Variants in CWC25 observed in about 807,000 individuals in gnomAD.
The protein encoded by CWC25 is CWC25 spliceosome associated protein, also known as pre-mRNA-splicing factor CWC25 homolog.
Under a neutral mutation model 54.6 loss-of-function variants are expected in CWC25, and 31 were observed. That is an observed-to-expected ratio of 0.57 (90% confidence interval 0.43 to 0.77). The LOEUF (loss-of-function observed/expected upper bound fraction) is 0.77. CWC25 is among the 30% of genes least tolerant of loss of function. The pLI, the probability that CWC25 is intolerant of heterozygous loss-of-function variation, is 0.00. For missense variants in CWC25, 453 were observed against 529.3 expected, an observed-to-expected ratio of 0.86 and a Z score of 1.41; for synonymous variants, 151 against 187.0, an observed-to-expected ratio of 0.81 and a Z score of 1.57.
intron 2 of CWC25, among the ~76,000 whole-genome samples, chr17:38,817,919 T>C (rs1911766936): frequency 6.6e-6 from 1 of 151,372 alleles, no homozygotes; most frequent in Non-Finnish European, 1.5e-5. Context: ...TGAGCGGAGA[T>C]TGTGCCACTG....
Position 38,802,141 on chromosome 17 carries a change from G to A in CWC25, c.1229C>T (p.Ser410Phe), listed in dbSNP as rs1911052608. ...CAGAGCTACCGAAGTTCTCTGTAAA[G>A]AGTAGATATTCCGCTTCACCCGATC... ...LEDRVKRNIY[S>F]LQRTSVALEK... Residue 410 changes from serine (S) to phenylalanine (F), a missense_variant, in exon 10 of 10, where the codon TCT becomes TTT. Ser to Phe is a radical substitution (Grantham distance 155). This residue lies in a region of CWC25 where 444 missense variants were observed against 499.2 expected (regional missense o/e 0.89). Coordinates refer to ENST00000614790, the MANE Select transcript of CWC25 (RefSeq NM_017748.5). 19 of 1,613,916 alleles carry A rather than the reference G, an allele frequency of 1.2e-5. 1 individual carries two copies. In the East Asian group the frequency reaches 4.2e-4, roughly 36 times the overall value.
chr17:38,802,000 G>A lies in CWC25; in HGVS notation c.*92C>T. ...TGAACACTGGTGGTTTGACATCTGT[G>A]AAAGAAGTCATTTGAACTCTTATAA... On this transcript the variant is annotated 3_prime_UTR_variant, in exon 10 of 10. Transcript: ENST00000614790. The A allele has an allele frequency of 1.4e-6, 1 of 735,658 alleles. No homozygotes were observed. Among genetic ancestry groups the A allele is most frequent in the South Asian group, 1.9e-5 (1 of 51,958 alleles). The allele number at this position is 735,658 out of a possible 1,614,324, so 45.6% of individuals were successfully genotyped here. A position where few individuals can be genotyped will look rare whatever the true frequency, so the allele number is the denominator to read the frequency against.
In CWC25 at chr17:38,816,966, G is replaced by A. The variant is rs150776602; in HGVS notation, c.192-1869C>T. Among the ~76,000 whole-genome samples, 7 of 150,618 alleles carry A rather than the reference G, an allele frequency of 4.6e-5. No homozygotes were observed. In the East Asian group the frequency reaches 1.4e-3, roughly 30 times the overall value. On this transcript the variant is annotated intron_variant, in intron 2 of 9. Transcript: ENST00000614790. The stretch of plus-strand genomic sequence containing the variant: ...CAAAGTGCTGGGATTACAGGCGTGA[G>A]CAACCGTGCCTGGCCCCAAGACCCT...
chr17:38,804,649 T>C (rs1180298740), intron 8 of CWC25, among the ~76,000 whole-genome samples: 2 of 141,630 alleles, frequency 1.4e-5, no homozygotes, highest in African/African-American at 5.3e-5. Context: ...TCTACTAAAA[T>C]ATACAAAAAT....
rs1020746737 is a variant in CWC25, at chr17:38,806,563, G to A, written c.903-168C>T. On this transcript the variant is annotated intron_variant, in intron 7 of 9. Transcript: ENST00000614790. ...TTAGACTCACCCCAGAGCTCCCAAA[G>A]CACAGAATACACCTACAGATATGTG... The A allele has an allele frequency of 1.9e-5, 14 of 743,012 alleles. No homozygotes were observed. The African/African-American group carries it at 2.5e-4, about 13-fold the overall frequency. The allele number at this position is 743,012 out of a possible 1,614,324, so 46.0% of individuals were successfully genotyped here.
intron 5 of CWC25, 90 bp downstream of exon 5, chr17:38,810,378 C>T (rs772317980): frequency 2.8e-5 from 39 of 1,372,044 alleles, no homozygotes; most frequent in Middle Eastern, 1.9e-4. Flanking sequence ...TGGCAGCTTC[C>T]AGCACAGGGC....
intron 2 of CWC25, among the ~76,000 whole-genome samples, chr17:38,819,353 C>T (rs568956193): frequency 4.5e-4 from 67 of 148,710 alleles, no homozygotes; most frequent in South Asian, 2.7e-3. Context: ...GCATGTGCCA[C>T]CATGCCTGGC....
Position 38,809,903 on chromosome 17 carries a change from C to G in CWC25, c.627-138G>C, listed in dbSNP as rs145000099. The G allele has an allele frequency of 2.1e-4, 153 of 722,816 alleles. No homozygotes were observed. The African/African-American group carries it at 2.5e-3, about 12-fold the overall frequency. The allele number at this position is 722,816 out of a possible 1,614,324, so 44.8% of individuals were successfully genotyped here. On this transcript the variant is annotated intron_variant, in intron 5 of 9. Transcript: ENST00000614790. ...AGCAGTTACCTGGCAGTACGTTTCT[C>G]TATTTGGACTGTCTATGCCGAAAAA...
intron 9 of CWC25, 134 bp from the exon 10 acceptor site, chr17:38,802,340 T>A (rs757094206): frequency 1.6e-6 from 1 of 625,100 alleles, no homozygotes; most frequent in Non-Finnish European, 2.8e-6. Context: ...CTCCCATAGA[T>A]AACTTTCGAG....
intron 6 of CWC25, among the ~76,000 whole-genome samples, chr17:38,807,592 C>T (rs1180698434): frequency 7.2e-6 from 1 of 138,526 alleles, no homozygotes; most frequent in Non-Finnish European, 1.6e-5. Context: ...CTTGTCTCTA[C>T]AAAATATTTA....
At position 38,802,843 on chromosome 17, in the gene CWC25, T is replaced by C; in HGVS notation, c.1020A>G (p.Glu340=). The C allele has an allele frequency of 6.2e-7, 1 of 1,613,988 alleles. No homozygotes were observed. The highest frequency in any genetic ancestry group is 8.5e-7 in the Non-Finnish European group (1 of 1,179,892). Residue 340 remains glutamate, a synonymous_variant, in exon 9 of 10, where the codon GAA becomes GAG. Transcript: ENST00000614790. The part of the protein sequence containing the change: ...PGYTRKLSAE[E]LERKRQEMME... Reference sequence around the variant, plus strand: ...TCATCTCTTGCCGTTTTCGCTCTAATTCCTCTGCAGAGAGTTTTCTGTTGA... The same window carrying C: ...TCATCTCTTGCCGTTTTCGCTCTAACTCCTCTGCAGAGAGTTTTCTGTTGA...
At chr17:38,802,269 A>G in intron 9 of CWC25, 63 bp from the exon 10 acceptor site, 1 of 1,123,688 alleles carries the variant, frequency 8.9e-7, no homozygotes, top group Non-Finnish European at 1.3e-6. Flanking sequence ...CTATTCTGGC[A>G]GCTTCAGAAG....
chr17:38,809,727 G>C lies in CWC25; in HGVS notation c.665C>G (p.Ser222Cys). 6.2e-7 allele frequency: 1 copy of C among 1,613,812 alleles called. No homozygotes were observed. Among genetic ancestry groups the C allele is most frequent in the Non-Finnish European group, 8.5e-7 (1 of 1,179,826 alleles). Residue 222 changes from serine to cysteine, a missense_variant, in exon 6 of 10, where the codon TCC becomes TGC. Transcript: ENST00000614790. Reference sequence around the variant, plus strand: ...CTGTAAGCCATATCCAGGGACTTTGGACAAAACAGGGGAGGAATTTGCCAT... The same window carrying C: ...CTGTAAGCCATATCCAGGGACTTTGCACAAAACAGGGGAGGAATTTGCCAT... ...KKMANSSPVL[S>C]KVPGYGLQVR...
chr17:38,817,505 T>C (rs1439974978), intron 2 of CWC25, among the ~76,000 whole-genome samples: 2 of 151,424 alleles, frequency 1.3e-5, no homozygotes, highest in Non-Finnish European at 2.9e-5. Flanking sequence ...ACAAAAAAAT[T>C]AGGCCAGGCA....
At chr17:38,812,003 A>G (rs1169153414) in intron 4 of CWC25, among the ~76,000 whole-genome samples, 2 of 151,802 alleles carry the variant, frequency 1.3e-5, no homozygotes, top group African/African-American at 4.8e-5. Context: ...CAATGGCGCA[A>G]TCTTGGCTCA....
chr17:38,817,838 C>T (rs149222592), intron 2 of CWC25, among the ~76,000 whole-genome samples: 3,198 of 151,560 alleles, frequency 0.021, 41 homozygotes, highest in South Asian at 0.053. Flanking sequence ...TGGTGGCACA[C>T]GCCTGTAATC....
Position 38,804,556 on chromosome 17 carries a change from G to A in CWC25, c.1002-1695C>T, listed in dbSNP as rs142197410. ...GTGCTGTGGCTCATGCCTGTAATCC[G>A]AACACTTTGGGAGGCTGAGGCGGGC... On this transcript the variant is annotated intron_variant, in intron 8 of 9. Coordinates refer to ENST00000614790, the MANE Select transcript of CWC25 (RefSeq NM_017748.5). Among the ~76,000 whole-genome samples, 1,447 of 151,750 alleles carry A rather than the reference G, an allele frequency of 9.5e-3. 31 individuals carry two copies. Among genetic ancestry groups the A allele is most frequent in the African/African-American group, 0.033 (1,383 of 41,366 alleles).
Position 38,805,764 on chromosome 17 carries a change from G to A in CWC25, c.1001+533C>T, listed in dbSNP as rs369107030. 7.2e-5 allele frequency among the ~76,000 whole-genome samples: 11 copies of A among 151,918 alleles called. No individual in the cohort carries two copies. The East Asian group carries it at 1.4e-3, about 19-fold the overall frequency. ...CCTCCCTGCCTTAGCCTCCCAAAGC[G>A]CTGAGATTACAAGCATGGACTGCTG... is the stretch of plus-strand genomic sequence containing the variant. On this transcript the variant is annotated intron_variant, in intron 8 of 9. Coordinates refer to ENST00000614790, the MANE Select transcript of CWC25 (RefSeq NM_017748.5).
intron 2 of CWC25, among the ~76,000 whole-genome samples, chr17:38,816,803 G>A (rs966956399): frequency 6.6e-6 from 1 of 151,768 alleles, no homozygotes; most frequent in Non-Finnish European, 1.5e-5. Context: ...TCCTGCCTCA[G>A]CCTCCCGAAT....
Sources: gnomAD v4.1 joint callset for allele counts (sites outside exome capture counted in the v4.1 genomes callset) on GRCh38, gnomAD v4.1.1 for gene constraint, gnomAD v4.1.1 regional missense constraint, MANE v1.5 for transcripts, NCBI Gene and HGNC (gene_info 2026-07-23, HGNC 2026-07-21) for gene names.